Variants in GNPDA2 observed in about 807,000 individuals in gnomAD.
GNPDA2 encodes the protein glcN6P deaminase 2.
GNPDA2 carries 24 observed loss-of-function variants against 27.0 expected under a neutral mutation model. The observed-to-expected ratio is 0.89, with a 90% CI of 0.64 to 1.25. GNPDA2 has a LOEUF of 1.25. GNPDA2 is among the 50% of genes most tolerant of loss of function. The pLI, the probability that GNPDA2 is intolerant of heterozygous loss-of-function variation, is 0.00. For missense variants in GNPDA2, 286 were observed against 335.1 expected (o/e 0.85, Z 1.14); for synonymous variants, 94 against 108.4 (o/e 0.87, Z 0.83).
chr4:44,724,800 G>C (rs545589213), intron 1 of GNPDA2, among the ~76,000 whole-genome samples: 2 of 152,270 alleles, frequency 1.3e-5, no homozygotes, highest in African/African-American at 4.8e-5. Flanking sequence ...CCATGATCTA[G>C]AATTCTGGCC....
Position 44,702,304 on chromosome 4 carries a change from A to G in GNPDA2, c.*777T>C, listed in dbSNP as rs1202138443. On this transcript the variant is annotated 3_prime_UTR_variant, in exon 7 of 7. Transcript: ENST00000295448. ...TTATAAGGAATAAAGCTAATTGTAT[A>G]TTAAGTTTAACAATAATCAGAAAAT... is the stretch of plus-strand genomic sequence containing the variant. The G allele has an allele frequency of 1.5e-6, 1 of 668,684 alleles. No homozygotes were observed. Among genetic ancestry groups the G allele is most frequent in the Non-Finnish European group, 1.8e-6 (1 of 540,790 alleles). The allele number at this position is 668,684 out of a possible 1,614,324, so 41.4% of individuals were successfully genotyped here. A position where few individuals can be genotyped will look rare whatever the true frequency, so the allele number is the denominator to read the frequency against.
At chr4:44,711,865 G>A (rs2109704698) in intron 4 of GNPDA2, among the ~76,000 whole-genome samples, 1 of 148,466 alleles carries the variant, frequency 6.7e-6, no homozygotes, top group East Asian at 2.0e-4. Flanking sequence ...ATATAATTAA[G>A]ACAAGAATTC....
chr4:44,710,512 T>C (rs1389011222), intron 5 of GNPDA2, among the ~76,000 whole-genome samples: 1 of 152,200 alleles, frequency 6.6e-6, no homozygotes, highest in Non-Finnish European at 1.5e-5. Flanking sequence ...GAGTTCCTTT[T>C]CTGCTGGAAA....
Position 44,701,969 on chromosome 4 carries a change from TATG to T in GNPDA2, c.*1109_*1111del. The T allele has an allele frequency of 1.0e-6, 1 of 985,174 alleles. No individual in the cohort carries two copies. Among genetic ancestry groups the T allele is most frequent in the Non-Finnish European group, 1.2e-6 (1 of 829,718 alleles). 61.0% of individuals were successfully genotyped at this position (985,174 alleles called of 1,614,324 possible). A position where few individuals can be genotyped will look rare whatever the true frequency, so the allele number is the denominator to read the frequency against. ...TAAGGCTTCTTCTACCAGGTGGGCT[TATG>T]AAATGCAAAATAAGCAAAAGGAGCA... On this transcript the variant is annotated 3_prime_UTR_variant, in exon 7 of 7. Transcript: ENST00000295448.
intron 2 of GNPDA2, among the ~76,000 whole-genome samples, chr4:44,718,813 G>A (rs554707402): frequency 6.6e-6 from 1 of 151,770 alleles, no homozygotes; most frequent in Non-Finnish European, 1.5e-5. Context: ...GAAATTAAAA[G>A]GGAAAACAGG....
At chr4:44,716,711 T>C (rs180791048) in intron 4 of GNPDA2, among the ~76,000 whole-genome samples, 2 of 151,924 alleles carry the variant, frequency 1.3e-5, no homozygotes, top group Admixed American at 6.6e-5. Context: ...CTGTTCCTCA[T>C]GCAAACGTTT....
chr4:44,721,787 C>G (rs531328131), intron 2 of GNPDA2, among the ~76,000 whole-genome samples: 1 of 151,962 alleles, frequency 6.6e-6, no homozygotes, highest in East Asian at 1.9e-4. Context: ...GCAATGTTCC[C>G]CAAAACAAAG....
At position 44,705,531 on chromosome 4, in the gene GNPDA2, A is replaced by C. The variant is rs549681542; in HGVS notation, c.769+2221T>G. The C allele has an allele frequency of 4.0e-5, 35 of 866,526 alleles. No homozygotes were observed. The African/African-American group carries it at 5.3e-4, about 13-fold the overall frequency. 53.7% of individuals were successfully genotyped at this position (866,526 alleles called of 1,614,324 possible). A position where few individuals can be genotyped will look rare whatever the true frequency, so the allele number is the denominator to read the frequency against. ...TTCAGAAGAGCTTACAATTAGATGA[A>C]CTAAAAGAACTAAATACATATAAAC... is the stretch of plus-strand genomic sequence containing the variant. On this transcript the variant is annotated intron_variant, in intron 6 of 6. Transcript: ENST00000295448.
At chr4:44,719,733 G>A (rs1717550361) in intron 2 of GNPDA2, among the ~76,000 whole-genome samples, 1 of 151,652 alleles carries the variant, frequency 6.6e-6, no homozygotes, top group South Asian at 2.1e-4. Context: ...CTGTCACAAT[G>A]GAGGTGACAA....
rs764109601 is a variant in GNPDA2 at position 44,702,194 on chromosome 4, CAA to C, written c.*885_*886del. On this transcript the variant is annotated 3_prime_UTR_variant, in exon 7 of 7. Transcript: ENST00000295448. The stretch of plus-strand genomic sequence containing the variant: ...CTTTATTTGAGTTAAAGATAAAAAA[CAA>C]TATACTTTTATGTAAATTGCTATGG... The C allele has an allele frequency of 6.1e-6, 5 of 816,908 alleles. No individual in the cohort carries two copies. The highest frequency in any genetic ancestry group is 6.2e-5 in the Admixed American group (1 of 16,038). 50.6% of individuals were successfully genotyped at this position (816,908 alleles called of 1,614,324 possible).
chr4:44,705,691 T>C (rs1716556355), intron 6 of GNPDA2: 2 of 154,112 alleles, frequency 1.3e-5, no homozygotes, highest in Non-Finnish European at 2.9e-5. Context: ...GAGTTTATTC[T>C]GGGAGGCAGT....
chr4:44,715,087 GT>G (rs1469588504), intron 4 of GNPDA2, among the ~76,000 whole-genome samples: 1 of 152,046 alleles, frequency 6.6e-6, no homozygotes, highest in Admixed American at 6.5e-5. Flanking sequence ...GAGAACTGAG[GT>G]GGTTTATACT....
At chr4:44,718,275 C>T (rs367634347) in intron 3 of GNPDA2, 34 bp downstream of exon 3, 2 of 806,444 alleles carry the variant, frequency 2.5e-6, no homozygotes, top group African/African-American at 3.6e-5. Context: ...ATAACATACC[C>T]AAATAATGGT....
At chr4:44,717,741 T>C (rs1241726146) in intron 3 of GNPDA2, among the ~76,000 whole-genome samples, 1 of 151,918 alleles carries the variant, frequency 6.6e-6, no homozygotes, top group African/African-American at 2.4e-5. Flanking sequence ...TCATCCTGTA[T>C]GTGTGCAGAT....
chr4:44,712,965 G>T (rs1717063854), intron 4 of GNPDA2, among the ~76,000 whole-genome samples: 1 of 152,162 alleles, frequency 6.6e-6, no homozygotes, highest in African/African-American at 2.4e-5. Context: ...TGTTCCTACA[G>T]TTCTAAGGGT....
intron 4 of GNPDA2, among the ~76,000 whole-genome samples, chr4:44,715,083 T>G (rs1717202992): frequency 6.6e-6 from 1 of 152,112 alleles, no homozygotes; most frequent in South Asian, 2.1e-4. Context: ...AAAGGAGAAC[T>G]GAGGTGGTTT....
chr4:44,721,552 T>C (rs1169830979), intron 2 of GNPDA2, among the ~76,000 whole-genome samples: 1 of 152,024 alleles, frequency 6.6e-6, no homozygotes. Context: ...AAATATGTAA[T>C]TACTGTGATG....
At position 44,702,450 on chromosome 4, in the gene GNPDA2, G is replaced by T; in HGVS notation, c.*631C>A. ...AAAAATAAGATATTTGTAAAAAAGT[G>T]CTATAGAAGAAGGTGCACAAAAAAC... On this transcript the variant is annotated 3_prime_UTR_variant, in exon 7 of 7. Transcript: ENST00000295448. 1 of 974,810 alleles carries T rather than the reference G, an allele frequency of 1.0e-6. No homozygotes were observed. Among genetic ancestry groups the T allele is most frequent in the Non-Finnish European group, 1.2e-6 (1 of 820,118 alleles). 60.4% of individuals were successfully genotyped at this position (974,810 alleles called of 1,614,324 possible). A position where few individuals can be genotyped will look rare whatever the true frequency, so the allele number is the denominator to read the frequency against.
chr4:44,719,664 T>C (rs1049734836), intron 2 of GNPDA2, among the ~76,000 whole-genome samples: 1 of 151,970 alleles, frequency 6.6e-6, no homozygotes. Context: ...TCTCTTTTAG[T>C]GTCAAGAGAT....
Sources: gnomAD v4.1 joint callset for allele counts (sites outside exome capture counted in the v4.1 genomes callset) on GRCh38, gnomAD v4.1.1 for gene constraint, MANE v1.5 for transcripts, NCBI Gene and HGNC (gene_info 2026-07-23, HGNC 2026-07-21) for gene names.